The following R3HDM2 variants were observed in gnomAD, a reference collection of about 807,000 sequenced individuals.
R3HDM2 encodes R3H domain containing 2.
R3HDM2 carries 38 observed loss-of-function variants against 124.5 expected under a neutral mutation model. That is an observed-to-expected ratio of 0.31 (90% CI 0.24 to 0.40). The LOEUF (loss-of-function observed/expected upper bound fraction) is 0.40. R3HDM2 is among the 10% of genes least tolerant of loss of function. The pLI, the probability that R3HDM2 is intolerant of heterozygous loss-of-function variation, is 1.00. For missense variants in R3HDM2, 869 were observed against 1,236.9 expected, an observed-to-expected ratio of 0.70 and a Z score of 4.46; for synonymous variants, 391 against 448.0, an observed-to-expected ratio of 0.87 and a Z score of 1.61.
intron 2 of R3HDM2, among the ~76,000 whole-genome samples, chr12:57,320,864 A>G (rs1219881115): frequency 6.6e-6 from 1 of 152,188 alleles, no homozygotes; most frequent in Non-Finnish European, 1.5e-5. Flanking sequence ...TCATTTTCTC[A>G]CTTTTAATCT....
intron 23 of R3HDM2, among the ~76,000 whole-genome samples, chr12:57,255,389 T>A (rs2038645254): frequency 6.6e-6 from 1 of 152,214 alleles, no homozygotes; most frequent in African/African-American, 2.4e-5. Flanking sequence ...GCTAAGAACC[T>A]ATACCTCAGT....
chr12:57,288,776 A>T lies in R3HDM2; in HGVS notation c.938+233T>A. ...TCCACAAGCAGCCATGCATGGAGCA[A>T]ACCCACTCTGCTGAAAAGATTACAG... On this transcript the variant is annotated intron_variant, in intron 12 of 23. Transcript: ENST00000402412. 4.0e-6 allele frequency: 5 copies of T among 1,247,320 alleles called. No homozygotes were observed. Among genetic ancestry groups the T allele is most frequent in the Non-Finnish European group, 5.6e-6 (5 of 886,116 alleles). 77.3% of individuals were successfully genotyped at this position (1,247,320 alleles called of 1,614,324 possible).
At chr12:57,310,159 C>A in intron 3 of R3HDM2, 105 bp downstream of exon 3, 1 of 774,204 alleles carries the variant, frequency 1.3e-6, no homozygotes, top group Non-Finnish European at 1.9e-6. Flanking sequence ...GCAGTGGGCC[C>A]TAATTGTGCC....
rs1236059073 is a variant in R3HDM2 at position 57,423,329 on chromosome 12, T to C, written c.-106+7391A>G. On this transcript the variant is annotated intron_variant, in intron 1 of 23. Transcript: ENST00000402412. ...ATCCCAGCTACTTGTAAGACTAAAG[T>C]GGGAGACTTGCTTGAACCCAGGAGG... Among the ~76,000 whole-genome samples the C allele has an allele frequency of 3.7e-4, 56 of 151,610 alleles. 1 individual carries two copies. Among genetic ancestry groups the C allele is most frequent in the Admixed American group, 3.6e-3 (55 of 15,200 alleles).
intron 16 of R3HDM2, 120 bp from the exon 17 acceptor site, chr12:57,269,202 T>C: frequency 6.5e-6 from 10 of 1,546,680 alleles, no homozygotes; most frequent in Non-Finnish European, 8.8e-6. Context: ...AGGTCTGTTC[T>C]TAGGACCCTA....
rs767234283 is a variant in R3HDM2 at position 57,404,064 on chromosome 12, A to ATTTTTTTTTTTTTT, written c.-105-8260_-105-8247dup. On this transcript the variant is annotated intron_variant, in intron 1 of 23. Transcript: ENST00000402412. ...ATAAAATAAAAAAAGTCCACTCCTAATTTTTTTTTTTTTTTTTGAGATGGA... is the reference window on the plus strand; with the variant it reads ...ATAAAATAAAAAAAGTCCACTCCTAATTTTTTTTTTTTTTTTTTTTTTTTTTTTTTTGAGATGGA... Among the ~76,000 whole-genome samples, 130 of 77,022 alleles carry ATTTTTTTTTTTTTT rather than the reference A, an allele frequency of 1.7e-3. 6 individuals are homozygous for ATTTTTTTTTTTTTT. Among genetic ancestry groups the ATTTTTTTTTTTTTT allele is most frequent in the East Asian group, 4.9e-3 (10 of 2,036 alleles). The allele number at this position is 77,022 out of a possible 152,430, so 50.5% of individuals were successfully genotyped here.
intron 1 of R3HDM2, among the ~76,000 whole-genome samples, chr12:57,424,135 A>AC (rs2070479545): frequency 6.6e-6 from 1 of 150,716 alleles, no homozygotes; most frequent in Non-Finnish European, 1.5e-5. Flanking sequence ...AAAAAAAAAA[A>AC]AAAAGGAACA....
intron 1 of R3HDM2, among the ~76,000 whole-genome samples, chr12:57,403,623 A>G (rs1287225358): frequency 6.6e-6 from 1 of 152,152 alleles, no homozygotes; most frequent in Admixed American, 6.6e-5. Context: ...AGCCTGGGCA[A>G]CATGGCAAAA....
intron 2 of R3HDM2, among the ~76,000 whole-genome samples, chr12:57,315,737 C>T (rs925471140): frequency 5.9e-5 from 9 of 152,154 alleles, no homozygotes; most frequent in African/African-American, 2.2e-4. Context: ...ACATGGCTTC[C>T]TTCATTCATT....
intron 2 of R3HDM2, among the ~76,000 whole-genome samples, chr12:57,323,305 A>G (rs539399532): frequency 6.6e-6 from 1 of 152,324 alleles, no homozygotes; most frequent in East Asian, 1.9e-4. Context: ...CTGAGTTATG[A>G]GTAAGAGATA....
chr12:57,402,834 G>C (rs1169963405), intron 1 of R3HDM2, among the ~76,000 whole-genome samples: 1 of 152,118 alleles, frequency 6.6e-6, no homozygotes, highest in Non-Finnish European at 1.5e-5. Context: ...TGGGATTACA[G>C]ACATAAGCTA....
chr12:57,277,345 CA>C (rs1163329625), intron 14 of R3HDM2, among the ~76,000 whole-genome samples: 1 of 152,078 alleles, frequency 6.6e-6, no homozygotes, highest in Non-Finnish European at 1.5e-5. Context: ...GGAGCCCTGC[CA>C]GGAAGGGAAA....
At chr12:57,400,784 A>G (rs2067978856) in intron 1 of R3HDM2, among the ~76,000 whole-genome samples, 1 of 152,162 alleles carries the variant, frequency 6.6e-6, no homozygotes, top group African/African-American at 2.4e-5. Flanking sequence ...AACAGAGCCC[A>G]TAAAAGGACC....
intron 2 of R3HDM2, among the ~76,000 whole-genome samples, chr12:57,323,909 A>G (rs2056861930): frequency 6.6e-6 from 1 of 152,172 alleles, no homozygotes; most frequent in African/African-American, 2.4e-5. Flanking sequence ...TAGCTTTATG[A>G]AAGTAATGCC....
At chr12:57,408,363 G>C (rs1236407766) in intron 1 of R3HDM2, among the ~76,000 whole-genome samples, 1 of 152,138 alleles carries the variant, frequency 6.6e-6, no homozygotes, top group Non-Finnish European at 1.5e-5. Flanking sequence ...CACCGCACCT[G>C]CAATTCCTTA....
rs546611704 is a variant in R3HDM2, at chr12:57,416,990, C to T, written c.-106+13730G>A. Among the ~76,000 whole-genome samples, 7 of 151,466 alleles carry T rather than the reference C, an allele frequency of 4.6e-5. 1 individual carries two copies. In the South Asian group the frequency reaches 1.5e-3, roughly 32 times the overall value. On this transcript the variant is annotated intron_variant, in intron 1 of 23. Coordinates refer to ENST00000402412, the MANE Select transcript of R3HDM2 (RefSeq NM_001394031.1). ...AGGCGTGGTGGCGGGCACCTGTAGT[C>T]CCAGCTACTCAGGAAGCTGAGGCAG...
chr12:57,329,384 C>A (rs2057792715), intron 2 of R3HDM2, among the ~76,000 whole-genome samples: 1 of 152,208 alleles, frequency 6.6e-6, no homozygotes, highest in Admixed American at 6.5e-5. Flanking sequence ...TGTGTGACTA[C>A]TGTTTCTACA....
intron 1 of R3HDM2, among the ~76,000 whole-genome samples, chr12:57,428,817 G>A (rs1868755973): frequency 6.6e-6 from 1 of 151,418 alleles, no homozygotes; most frequent in South Asian, 2.1e-4. Flanking sequence ...CACGATCTTG[G>A]CTTACTGCAA....
chr12:57,384,694 T>C (rs1594263434), intron 2 of R3HDM2, among the ~76,000 whole-genome samples: 2 of 152,168 alleles, frequency 1.3e-5, no homozygotes, highest in African/African-American at 4.8e-5. Context: ...TTATAAAAAG[T>C]CTTACATACT....
Sources: allele counts gnomAD v4.1 joint callset (sites outside exome capture counted in the v4.1 genomes callset), GRCh38; gene constraint gnomAD v4.1.1; transcripts MANE v1.5; gene names NCBI Gene and HGNC (gene_info 2026-07-23, HGNC 2026-07-21).